The following HOOK1 variants were observed in gnomAD, a reference collection of about 807,000 sequenced individuals.
HOOK1 encodes the protein protein Hook homolog 1.
HOOK1 carries 60 observed loss-of-function variants against 112.8 expected under a neutral mutation model. The ratio of observed to expected loss-of-function variants is 0.53; its 90% CI spans 0.43 to 0.66. HOOK1 has a LOEUF of 0.66. Among genes scored for constraint, HOOK1 ranks in the 30% least tolerant of loss-of-function variants. HOOK1 has a pLI of 0.00. For missense variants in HOOK1, 770 were observed against 856.0 expected, an observed-to-expected ratio of 0.90 and a Z score of 1.25; for synonymous variants, 294 against 283.8, an observed-to-expected ratio of 1.04 and a Z score of -0.36.
rs1038220618 is a variant in HOOK1 at position 59,870,427 on chromosome 1, C to T, written c.1948-615C>T. On this transcript the variant is annotated intron_variant, in intron 20 of 21. Coordinates refer to ENST00000371208, the MANE Select transcript of HOOK1 (RefSeq NM_015888.6). ...ATGTGAGTCTGAAGAAGGGCATCACCTCTCTTTTGGGCTTGGTTCTTATAT... is the reference window on the plus strand; with the variant it reads ...ATGTGAGTCTGAAGAAGGGCATCACTTCTCTTTTGGGCTTGGTTCTTATAT... 1.2e-3 allele frequency among the ~76,000 whole-genome samples: 176 copies of T among 152,150 alleles called. 4 individuals carry two copies. Among genetic ancestry groups the T allele is most frequent in the Non-Finnish European group, 1.8e-4 (12 of 68,024 alleles).
At position 59,862,764 on chromosome 1, in the gene HOOK1, T is replaced by C; in HGVS notation, c.1533-20T>C. Reference sequence around the variant, plus strand: ...TTGACTTTCAATACAAGTAAATGCTTATGACCCATCTTACAATAGGCTGAG... The same window carrying C: ...TTGACTTTCAATACAAGTAAATGCTCATGACCCATCTTACAATAGGCTGAG... On this transcript the variant is annotated intron_variant, in intron 15 of 21. Transcript: ENST00000371208. 2.7e-6 allele frequency: 4 copies of C among 1,481,896 alleles called. No individual in the cohort carries two copies. Among genetic ancestry groups the C allele is most frequent in the Non-Finnish European group, 3.8e-6 (4 of 1,060,652 alleles). The allele number at this position is 1,481,896 out of a possible 1,614,324, so 91.8% of individuals were successfully genotyped here.
intron 12 of HOOK1, among the ~76,000 whole-genome samples, chr1:59,854,586 T>C (rs1411260446): frequency 6.6e-6 from 1 of 152,184 alleles, no homozygotes; most frequent in Non-Finnish European, 1.5e-5. Flanking sequence ...TGTTTGACAG[T>C]CTTTTTCTTT....
Position 59,874,821 on chromosome 1 carries a change from C to G in HOOK1, c.*1856C>G, listed in dbSNP as rs1006005290. On this transcript the variant is annotated 3_prime_UTR_variant, in exon 22 of 22. Coordinates refer to ENST00000371208, the MANE Select transcript of HOOK1 (RefSeq NM_015888.6). ...TAGATACCTGGTTTTTAGATTCTTG[C>G]CTGGTAACTTTTTACTGAAAATACA... The G allele has an allele frequency of 2.6e-5, 4 of 152,394 alleles. No individual in the cohort carries two copies. Among genetic ancestry groups the G allele is most frequent in the Admixed American group, 6.6e-5 (1 of 15,262 alleles). The allele number at this position is 152,394 out of a possible 1,614,324, so 9.4% of individuals were successfully genotyped here.
At chr1:59,835,716 C>T (rs184494262) in intron 6 of HOOK1, among the ~76,000 whole-genome samples, 109 of 152,154 alleles carry the variant, frequency 7.2e-4, no homozygotes, top group African/African-American at 2.6e-3. Flanking sequence ...TCCACAGACC[C>T]GGGGTGGCGG....
In HOOK1 at chr1:59,843,326, T is replaced by G. The variant is rs2098401958; in HGVS notation, c.622-106T>G. 1.3e-5 allele frequency: 9 copies of G among 691,776 alleles called. No homozygotes were observed. The South Asian group carries it at 2.2e-4, about 17-fold the overall frequency. The allele number at this position is 691,776 out of a possible 1,614,324, so 42.9% of individuals were successfully genotyped here. A position where few individuals can be genotyped will look rare whatever the true frequency, so the allele number is the denominator to read the frequency against. ...ATCTAGTATGACAGACCAAGCTATT[T>G]AATGGCTTAGTCAGATCTAGAATCC... is the stretch of plus-strand genomic sequence containing the variant. On this transcript the variant is annotated intron_variant, in intron 8 of 21. Coordinates refer to ENST00000371208, the MANE Select transcript of HOOK1 (RefSeq NM_015888.6).
intron 21 of HOOK1, 98 bp downstream of exon 21, chr1:59,871,208 C>A: frequency 1.3e-6 from 1 of 749,228 alleles, no homozygotes; most frequent in Non-Finnish European, 2.2e-6. Flanking sequence ...TATCTTATAC[C>A]ATAAACCAAG....
chr1:59,835,098 GA>G (rs2098396611), intron 5 of HOOK1, among the ~76,000 whole-genome samples: 1 of 152,040 alleles, frequency 6.6e-6, no homozygotes, highest in Non-Finnish European at 1.5e-5. Context: ...TTTGCTGTAT[GA>G]ATTGATTTTT....
In HOOK1 at chr1:59,858,490, A is replaced by G; in HGVS notation, c.1305A>G (p.Val435=). ...ETNEELRCSQ[V]QQDHLNQTDA... The stretch of plus-strand genomic sequence containing the variant: ...ATGAAGAGCTTCGATGTTCACAAGT[A>G]CAACAGGACCACCTAAACCAAACAG... The change falls in exon 13 of 22, where the codon GTA becomes GTG. Residue 435 remains valine (V), a synonymous_variant. Transcript: ENST00000371208. The G allele has an allele frequency of 6.2e-7, 1 of 1,612,564 alleles. No individual in the cohort carries two copies. Among genetic ancestry groups the G allele is most frequent in the Non-Finnish European group, 8.5e-7 (1 of 1,178,572 alleles).
intron 12 of HOOK1, among the ~76,000 whole-genome samples, chr1:59,856,377 T>G (rs2102059527): frequency 6.6e-6 from 1 of 152,056 alleles, no homozygotes; most frequent in African/African-American, 2.4e-5. Flanking sequence ...TTACAAATGG[T>G]TTGCTTTAGT....
intron 20 of HOOK1, 69 bp downstream of exon 20, chr1:59,868,420 A>G: frequency 1.1e-6 from 1 of 893,394 alleles, no homozygotes. Context: ...GCTGTCATAT[A>G]TTTGTCATTA....
At chr1:59,828,633 G>T in intron 2 of HOOK1, 147 bp from the exon 3 acceptor site, 1 of 563,338 alleles carries the variant, frequency 1.8e-6, no homozygotes, top group Non-Finnish European at 3.0e-6. Flanking sequence ...AACTTAATAT[G>T]ATAAATTATT....
At chr1:59,851,046 A>T (rs1486497893) in intron 12 of HOOK1, among the ~76,000 whole-genome samples, 1 of 151,622 alleles carries the variant, frequency 6.6e-6, no homozygotes, top group Admixed American at 6.6e-5. Flanking sequence ...TTATGCTAGT[A>T]CCACACTCAT....
chr1:59,846,608 C>G (rs1486317950), intron 9 of HOOK1, among the ~76,000 whole-genome samples: 2 of 133,524 alleles, frequency 1.5e-5, no homozygotes, highest in Non-Finnish European at 3.2e-5. Context: ...CTCCCTCCCT[C>G]CCTCTCTCTC....
intron 9 of HOOK1, 94 bp downstream of exon 9, chr1:59,843,692 T>A: frequency 2.1e-6 from 2 of 955,458 alleles, no homozygotes; most frequent in Non-Finnish European, 3.1e-6. Context: ...TAAGCATTGT[T>A]AAGCATCTTT....
At chr1:59,840,230 A>G (rs1263053543) in intron 7 of HOOK1, 78 bp from the exon 8 acceptor site, 15 of 866,290 alleles carry the variant, frequency 1.7e-5, no homozygotes, top group South Asian at 1.3e-4. Flanking sequence ...GTGTGTTGTG[A>G]GAAGAGTATA....
intron 3 of HOOK1, among the ~76,000 whole-genome samples, chr1:59,831,062 G>A (rs886789143): frequency 2.6e-5 from 4 of 151,768 alleles, no homozygotes; most frequent in African/African-American, 9.7e-5. Context: ...CACCATGCCT[G>A]GCTAATTTTT....
At chr1:59,821,761 TG>T (rs1422772049) in intron 1 of HOOK1, 96 bp from the exon 2 acceptor site, 3 of 840,924 alleles carry the variant, frequency 3.6e-6, no homozygotes, top group Admixed American at 3.1e-5. Context: ...TTTTTTTTTT[TG>T]TTTTTTTTAG....
chr1:59,851,073 A>G (rs958114985), intron 12 of HOOK1, among the ~76,000 whole-genome samples: 2 of 151,576 alleles, frequency 1.3e-5, no homozygotes, highest in Non-Finnish European at 3.0e-5. Context: ...ATTATTGATT[A>G]CTGTAGTTTT....
At chr1:59,815,534 G>C (rs1043967740) in intron 1 of HOOK1, among the ~76,000 whole-genome samples, 1 of 151,808 alleles carries the variant, frequency 6.6e-6, no homozygotes, top group Non-Finnish European at 1.5e-5. Context: ...AACAGCGCCC[G>C]AGCCCTCCAC....
Sources: allele counts gnomAD v4.1 joint callset (sites outside exome capture counted in the v4.1 genomes callset), GRCh38; gene constraint gnomAD v4.1.1; transcripts MANE v1.5; gene names NCBI Gene and HGNC (gene_info 2026-07-23, HGNC 2026-07-21).